Variants in CNTN5 observed in about 807,000 individuals in gnomAD.
CNTN5 encodes contactin 5, also known as contactin-5.
A neutral mutation model predicts 129.1 loss-of-function variants in CNTN5; 77 were observed. That is an observed-to-expected ratio of 0.60 (90% CI 0.50 to 0.72). CNTN5 has a LOEUF of 0.72. Ranked by LOEUF, CNTN5 falls within the 30% of genes least tolerant of loss-of-function variation. The pLI is 0.00. For synonymous variants in CNTN5, 509 were observed against 465.6 expected, an observed-to-expected ratio of 1.09 and a Z score of -1.20; for missense variants, 1,478 against 1,328.8, an observed-to-expected ratio of 1.11 and a Z score of -1.75.
chr11:100,284,926 ACG>A (rs1950735519), intron 18 of CNTN5, among the ~76,000 whole-genome samples: 2 of 152,362 alleles, frequency 1.3e-5, no homozygotes, highest in Admixed American at 1.3e-4. Context: ...ACCTGGATTA[ACG>A]TTCTACTGTG....
rs1949072264 is a variant in CNTN5 at position 99,891,968 on chromosome 11, C to T, written c.578-24086C>T. 3.3e-5 allele frequency among the ~76,000 whole-genome samples: 5 copies of T among 152,220 alleles called. No individual in the cohort carries two copies. The East Asian group carries it at 5.8e-4, about 18-fold the overall frequency. ...AACAACAGTGTAAAAGCATTTCTAT[C>T]TCTCCACATCCTCTCCAGCATCTGT... On this transcript the variant is annotated intron_variant, in intron 6 of 24. Transcript: ENST00000524871.
intron 2 of CNTN5, among the ~76,000 whole-genome samples, chr11:99,444,062 G>A (rs1247811324): frequency 6.6e-6 from 1 of 151,996 alleles, no homozygotes; most frequent in African/African-American, 2.4e-5. Flanking sequence ...GCTGGGTGTG[G>A]TGGTGGGCGC....
Position 99,743,549 on chromosome 11 carries a change from G to A in CNTN5, c.56-75995G>A, listed in dbSNP as rs1055917619. Among the ~76,000 whole-genome samples, 5 of 152,062 alleles carry A rather than the reference G, an allele frequency of 3.3e-5. No homozygotes were observed. In the East Asian group the frequency reaches 7.7e-4, roughly 23 times the overall value. On this transcript the variant is annotated intron_variant, in intron 3 of 24. Coordinates refer to ENST00000524871, the MANE Select transcript of CNTN5 (RefSeq NM_014361.4). ...AATTACATGAAGTACATATAAAGTC[G>A]TTAAGGGCCTGATATGTATTAGCTA...
chr11:99,956,888 C>T lies in CNTN5; in HGVS notation c.756C>T (p.Gly252=). 6.2e-7 allele frequency: 1 copy of T among 1,613,858 alleles called. No homozygotes were observed. Among genetic ancestry groups the T allele is most frequent in the Non-Finnish European group, 8.5e-7 (1 of 1,179,800 alleles). The change falls in exon 8 of 25, where the codon GGC becomes GGT. Residue 252 remains glycine (G), a synonymous_variant. Coordinates refer to ENST00000524871, the MANE Select transcript of CNTN5 (RefSeq NM_014361.4). ...DSRRFISQET[G]NLYISKVQTS... ...GGCGGTTCATCTCCCAGGAGACAGG[C>T]AACCTTTATATTTCTAAAGTCCAAA...
intron 7 of CNTN5, among the ~76,000 whole-genome samples, chr11:99,937,395 G>A (rs1025311827): frequency 6.6e-6 from 1 of 152,182 alleles, no homozygotes; most frequent in African/African-American, 2.4e-5. Context: ...CGTTAGACAT[G>A]GTGGATCATT....
intron 1 of CNTN5, among the ~76,000 whole-genome samples, chr11:99,215,132 G>T (rs1345949946): frequency 2.0e-5 from 3 of 152,108 alleles, no homozygotes; most frequent in Non-Finnish European, 4.4e-5. Context: ...AATTACTTGA[G>T]AATGGAAATT....
intron 7 of CNTN5, among the ~76,000 whole-genome samples, chr11:99,932,695 T>C (rs1455696512): frequency 6.6e-6 from 1 of 152,144 alleles, no homozygotes; most frequent in East Asian, 1.9e-4. Context: ...TGAGATGATA[T>C]ATGTAAAGTA....
chr11:99,705,228 C>T (rs1954704326), intron 3 of CNTN5, among the ~76,000 whole-genome samples: 1 of 151,300 alleles, frequency 6.6e-6, no homozygotes, highest in African/African-American at 2.4e-5. Flanking sequence ...ACAGTACTCC[C>T]TTTATAAGTC....
At chr11:99,421,136 G>GTTT (rs60013434) in intron 2 of CNTN5, among the ~76,000 whole-genome samples, 1 of 141,600 alleles carries the variant, frequency 7.1e-6, no homozygotes, top group African/African-American at 2.6e-5. Flanking sequence ...ATTCATTGAG[G>GTTT]TTTTTTTTTT....
chr11:99,816,977 G>C (rs1206911319), intron 3 of CNTN5, among the ~76,000 whole-genome samples: 1 of 152,120 alleles, frequency 6.6e-6, no homozygotes, highest in Non-Finnish European at 1.5e-5. Context: ...ACTCAGTTTA[G>C]ATAGAATATC....
intron 16 of CNTN5, among the ~76,000 whole-genome samples, chr11:100,241,868 T>C (rs139284689): frequency 3.9e-5 from 6 of 152,334 alleles, no homozygotes; most frequent in East Asian, 3.9e-4. Context: ...GCCTGAAGCA[T>C]CACAATTTAC....
chr11:99,376,815 A>G (rs1288202164), intron 2 of CNTN5, among the ~76,000 whole-genome samples: 5 of 152,190 alleles, frequency 3.3e-5, no homozygotes, highest in Non-Finnish European at 7.4e-5. Context: ...ACATTTCCAA[A>G]TCAGAACAGA....
intron 20 of CNTN5, among the ~76,000 whole-genome samples, chr11:100,306,975 T>C (rs1951364264): frequency 6.6e-6 from 1 of 151,712 alleles, no homozygotes; most frequent in South Asian, 2.1e-4. Context: ...GCAAGTGTTT[T>C]TAACAAAGGT....
At chr11:100,019,433 G>T (rs995748049) in intron 9 of CNTN5, among the ~76,000 whole-genome samples, 4 of 151,890 alleles carry the variant, frequency 2.6e-5, no homozygotes, top group Non-Finnish European at 5.9e-5. Context: ...ATATAAATGA[G>T]ATCATGCAAT....
At chr11:100,025,000 T>C (rs1476830454) in intron 9 of CNTN5, among the ~76,000 whole-genome samples, 1 of 152,186 alleles carries the variant, frequency 6.6e-6, no homozygotes, top group Admixed American at 6.5e-5. Context: ...CTTTTATAGC[T>C]AATGGGAAGC....
rs866841350 is a variant in CNTN5 at position 100,056,042 on chromosome 11, C to G, written c.981-5170C>G. 3.3e-5 allele frequency among the ~76,000 whole-genome samples: 5 copies of G among 151,592 alleles called. No homozygotes were observed. In the South Asian group the frequency reaches 6.2e-4, roughly 19 times the overall value. On this transcript the variant is annotated intron_variant, in intron 9 of 24. Coordinates refer to ENST00000524871, the MANE Select transcript of CNTN5 (RefSeq NM_014361.4). ...TATCTATCACTTTTGGAAATATTCT[C>G]TTCAACTATGTCTAATTTGATGTAT...
chr11:99,449,708 T>G (rs577253229), intron 2 of CNTN5, among the ~76,000 whole-genome samples: 60 of 152,324 alleles, frequency 3.9e-4, no homozygotes, highest in Middle Eastern at 6.8e-3. Context: ...CTGGTATGTG[T>G]GGGTCTCTCT....
intron 3 of CNTN5, among the ~76,000 whole-genome samples, chr11:99,647,014 G>T (rs1201697977): frequency 6.6e-6 from 1 of 151,198 alleles, no homozygotes; most frequent in South Asian, 2.1e-4. Context: ...CCTTTGCCAT[G>T]TACAAGCTTA....
intron 2 of CNTN5, among the ~76,000 whole-genome samples, chr11:99,473,323 T>C (rs988019052): frequency 2.0e-5 from 3 of 152,166 alleles, no homozygotes; most frequent in African/African-American, 7.2e-5. Context: ...TATCTACTTG[T>C]CAAAGCTTCT....
Sources: allele counts gnomAD v4.1 joint callset (sites outside exome capture counted in the v4.1 genomes callset), GRCh38; gene constraint gnomAD v4.1.1; transcripts MANE v1.5; gene names NCBI Gene and HGNC (gene_info 2026-07-23, HGNC 2026-07-21).